Variants in CAMK2D observed in about 807,000 individuals in gnomAD.
CAMK2D encodes the protein calcium/calmodulin-dependent protein kinase type II subunit delta.
CAMK2D carries 37 observed loss-of-function variants against 84.0 expected under a neutral mutation model. The ratio of observed to expected loss-of-function variants is 0.44; its 90% confidence interval spans 0.34 to 0.58. The LOEUF (loss-of-function observed/expected upper bound fraction) is 0.58. Ranked by LOEUF, CAMK2D falls within the 20% of genes least tolerant of loss-of-function variation. The pLI is 0.02. For synonymous variants in CAMK2D, 202 were observed against 212.5 expected (o/e 0.95, Z 0.43); for missense variants, 448 against 652.5 (o/e 0.69, Z 3.41).
intron 2 of CAMK2D, among the ~76,000 whole-genome samples, chr4:113,679,762 A>T (rs1004232843): frequency 6.6e-6 from 1 of 152,222 alleles, no homozygotes; most frequent in African/African-American, 2.4e-5. Context: ...TTATCAGATC[A>T]ACTTCATAGT....
chr4:113,477,988 A>G (rs1445818807), intron 16 of CAMK2D, among the ~76,000 whole-genome samples: 1 of 152,202 alleles, frequency 6.6e-6, no homozygotes, highest in African/African-American at 2.4e-5. Flanking sequence ...CTCCTTCAAA[A>G]GATGAACAGT....
chr4:113,638,968 C>T (rs892269835), intron 3 of CAMK2D, among the ~76,000 whole-genome samples: 1 of 151,818 alleles, frequency 6.6e-6, no homozygotes, highest in Non-Finnish European at 1.5e-5. Context: ...GTAGGTTTGG[C>T]ACGGTGGTTC....
intron 3 of CAMK2D, among the ~76,000 whole-genome samples, chr4:113,614,054 G>A (rs975554887): frequency 1.3e-5 from 2 of 152,010 alleles, no homozygotes; most frequent in Admixed American, 6.6e-5. Flanking sequence ...AAAAGAAAAG[G>A]AATATATTAT....
chr4:113,655,618 T>C (rs975523752), intron 3 of CAMK2D, among the ~76,000 whole-genome samples: 23 of 152,102 alleles, frequency 1.5e-4, no homozygotes, highest in African/African-American at 4.6e-4. Context: ...CTACACAAAA[T>C]GTAAACACAA....
intron 2 of CAMK2D, among the ~76,000 whole-genome samples, chr4:113,703,904 GCTTT>G (rs1258854792): frequency 6.9e-6 from 1 of 145,560 alleles, no homozygotes; most frequent in Non-Finnish European, 1.5e-5. Flanking sequence ...CATGGTTGCA[GCTTT>G]CTATTTCTTA....
intron 3 of CAMK2D, among the ~76,000 whole-genome samples, chr4:113,653,488 T>C (rs2099184619): frequency 6.6e-6 from 1 of 152,048 alleles, no homozygotes; most frequent in South Asian, 2.1e-4. Context: ...CTTGTTTGAT[T>C]ACAAACTACT....
chr4:113,524,588 G>A (rs1019073353), intron 8 of CAMK2D, among the ~76,000 whole-genome samples: 1 of 152,142 alleles, frequency 6.6e-6, no homozygotes, highest in African/African-American at 2.4e-5. Context: ...TGTGAATAGT[G>A]TTACTATGAT....
Position 113,454,280 on chromosome 4 carries a change from CT to C in CAMK2D, c.*264del. The C allele has an allele frequency of 2.8e-6, 1 of 360,086 alleles. No homozygotes were observed. The highest frequency in any genetic ancestry group is 5.0e-6 in the Non-Finnish European group (1 of 198,446). The allele number at this position is 360,086 out of a possible 1,614,324, so 22.3% of individuals were successfully genotyped here. ...ATTTTTTTTTTTGTCTAATCTCCCC[CT>C]ATTGTTTTGCCAACAGTAATTTAAG... On this transcript the variant is annotated 3_prime_UTR_variant, in exon 21 of 21. Transcript: ENST00000511664.
At chr4:113,527,868 A>G (rs937137665) in intron 8 of CAMK2D, among the ~76,000 whole-genome samples, 1 of 152,190 alleles carries the variant, frequency 6.6e-6, no homozygotes, top group Non-Finnish European at 1.5e-5. Flanking sequence ...TCACCTATCT[A>G]TCACCTCACT....
intron 3 of CAMK2D, among the ~76,000 whole-genome samples, chr4:113,635,045 T>A (rs751141148): frequency 2.6e-5 from 4 of 152,224 alleles, no homozygotes; most frequent in Non-Finnish European, 5.9e-5. Context: ...AATGAGGGGT[T>A]AGCAAGTCAC....
chr4:113,461,413 AGT>A (rs2097371621), intron 17 of CAMK2D, among the ~76,000 whole-genome samples: 1 of 152,178 alleles, frequency 6.6e-6, no homozygotes, highest in South Asian at 2.1e-4. Context: ...TTGAAGAATG[AGT>A]AAGAGTTTTC....
chr4:113,645,075 G>A (rs148792679), intron 3 of CAMK2D, among the ~76,000 whole-genome samples: 2,948 of 152,118 alleles, frequency 0.019, 94 homozygotes, highest in African/African-American at 0.068. Context: ...GGAGTGAAGC[G>A]GCACAATCTC....
intron 2 of CAMK2D, among the ~76,000 whole-genome samples, chr4:113,730,011 G>C (rs2099559622): frequency 6.6e-6 from 1 of 152,098 alleles, no homozygotes; most frequent in South Asian, 2.1e-4. Context: ...AAGAGACTAA[G>C]ACACACGTAT....
At chr4:113,643,905 C>A (rs992770808) in intron 3 of CAMK2D, among the ~76,000 whole-genome samples, 16 of 152,182 alleles carry the variant, frequency 1.1e-4, no homozygotes, top group African/African-American at 3.9e-4. Flanking sequence ...CCCAGGCCAG[C>A]TTTACAAGTG....
chr4:113,631,779 C>T (rs960954317), intron 3 of CAMK2D, among the ~76,000 whole-genome samples: 4 of 152,110 alleles, frequency 2.6e-5, no homozygotes, highest in Admixed American at 6.6e-5. Context: ...AGCAACAGAA[C>T]CTGAAAATTA....
In CAMK2D at chr4:113,529,520, A is replaced by C. The variant is rs559967487; in HGVS notation, c.601+1696T>G. On this transcript the variant is annotated intron_variant, in intron 8 of 20. Coordinates refer to ENST00000511664, the MANE Select transcript of CAMK2D (RefSeq NM_001321571.2). ...GTTAGGTATCTACTTGTAGGCTGGT[A>C]GCAATGACATAGTATCAGGAATTTA... Among the ~76,000 whole-genome samples, 3 of 152,348 alleles carry C rather than the reference A, an allele frequency of 2.0e-5. No individual in the cohort carries two copies. In the South Asian group the frequency reaches 6.2e-4, roughly 32 times the overall value.
At chr4:113,539,460 A>C (rs537205240) in intron 6 of CAMK2D, among the ~76,000 whole-genome samples, 28 of 152,362 alleles carry the variant, frequency 1.8e-4, no homozygotes, top group South Asian at 2.1e-4. Flanking sequence ...CCTTTTAAAA[A>C]ATTGAGTGTG....
At chr4:113,581,465 A>T (rs2098808392) in intron 4 of CAMK2D, among the ~76,000 whole-genome samples, 1 of 149,466 alleles carries the variant, frequency 6.7e-6, no homozygotes, top group Admixed American at 6.7e-5. Context: ...GTGAGCCAAG[A>T]TCTTCCCATT....
At chr4:113,501,386 A>C (rs1200903153) in intron 15 of CAMK2D, among the ~76,000 whole-genome samples, 1 of 152,100 alleles carries the variant, frequency 6.6e-6, no homozygotes, top group Non-Finnish European at 1.5e-5. Context: ...TTCATAAGAA[A>C]GACATAGTTT....
Sources: allele counts gnomAD v4.1 joint callset (sites outside exome capture counted in the v4.1 genomes callset), GRCh38; gene constraint gnomAD v4.1.1; transcripts MANE v1.5; gene names NCBI Gene and HGNC (gene_info 2026-07-23, HGNC 2026-07-21).